The following PIK3C2G variants were observed in gnomAD, a reference collection of about 807,000 sequenced individuals.
The protein encoded by PIK3C2G is phosphatidylinositol-4-phosphate 3-kinase catalytic subunit type 2 gamma.
In PIK3C2G, 168 loss-of-function variants were observed where a neutral mutation model predicts 181.1. That is an observed-to-expected ratio of 0.93 (90% CI 0.82 to 1.05). The LOEUF is 1.05. Ranked by LOEUF, PIK3C2G falls within the 50% of genes least tolerant of loss-of-function variation. The pLI is 0.00. For missense variants in PIK3C2G, 1,869 were observed against 1,732.8 expected, an observed-to-expected ratio of 1.08 and a Z score of -1.40; for synonymous variants, 573 against 592.2, an observed-to-expected ratio of 0.97 and a Z score of 0.47.
intron 18 of PIK3C2G, among the ~76,000 whole-genome samples, chr12:18,487,873 T>C (rs913527798): frequency 6.6e-6 from 1 of 152,086 alleles, no homozygotes; most frequent in African/African-American, 2.4e-5. Context: ...CTCAGCCTAA[T>C]TAAGTAATTT....
chr12:18,370,066 A>T (rs1377051040), intron 12 of PIK3C2G, among the ~76,000 whole-genome samples: 2 of 152,074 alleles, frequency 1.3e-5, no homozygotes, highest in East Asian at 3.9e-4. Context: ...TTGACATATG[A>T]TCATATAATG....
At chr12:18,398,329 A>G (rs1944019259) in intron 15 of PIK3C2G, among the ~76,000 whole-genome samples, 1 of 152,056 alleles carries the variant, frequency 6.6e-6, no homozygotes, top group Non-Finnish European at 1.5e-5. Context: ...TTTACTATGG[A>G]TTTTTTTTCT....
At chr12:18,289,736 T>C (rs945311154) in intron 3 of PIK3C2G, among the ~76,000 whole-genome samples, 2 of 152,174 alleles carry the variant, frequency 1.3e-5, no homozygotes, top group African/African-American at 4.8e-5. Context: ...TGTATTTACT[T>C]ACCCATTTGC....
rs11611874 is a variant in PIK3C2G at position 18,624,770 on chromosome 12, G to A, written c.4182+15141G>A. On this transcript the variant is annotated intron_variant, in intron 31 of 32. Coordinates refer to ENST00000538779, the MANE Select transcript of PIK3C2G (RefSeq NM_001288772.2). Reference sequence around the variant, plus strand: ...TTTCTTCATGATTCAGTCTTCATAGGTATATGTGTCTAAGAATTAACCCAT... The same window carrying A: ...TTTCTTCATGATTCAGTCTTCATAGATATATGTGTCTAAGAATTAACCCAT... Among the ~76,000 whole-genome samples, 1,180 of 151,582 alleles carry A rather than the reference G, an allele frequency of 7.8e-3. 9 individuals are homozygous for A. The highest frequency in any genetic ancestry group is 0.012 in the African/African-American group (516 of 41,454).
chr12:18,715,031 G>A, the PIK3C2G span: 1 of 151,660 alleles, frequency 6.6e-6, no homozygotes, highest in South Asian at 2.1e-4. Context: ...CTTCTTTGGC[G>A]ATCATATGCA....
chr12:18,556,222 A>G (rs1356362294), intron 26 of PIK3C2G, among the ~76,000 whole-genome samples: 1 of 152,158 alleles, frequency 6.6e-6, no homozygotes, highest in Non-Finnish European at 1.5e-5. Flanking sequence ...GCTGCCATTA[A>G]ACAAAATAAA....
rs555601078 is a variant in PIK3C2G at position 18,396,348 on chromosome 12, T to C, written c.2127-3311T>C. 3.9e-3 allele frequency among the ~76,000 whole-genome samples: 588 copies of C among 151,676 alleles called. 5 individuals are homozygous for C. Among genetic ancestry groups the C allele is most frequent in the African/African-American group, 0.013 (557 of 41,488 alleles). ...TGATAAAAACTCACAAAACTAGACA[T>C]AGAATGAAACTTTCTCAACCTTGAA... On this transcript the variant is annotated intron_variant, in intron 15 of 32. Coordinates refer to ENST00000538779, the MANE Select transcript of PIK3C2G (RefSeq NM_001288772.2).
intron 25 of PIK3C2G, among the ~76,000 whole-genome samples, chr12:18,543,443 T>G (rs776033711): frequency 3.9e-5 from 6 of 152,036 alleles, no homozygotes; most frequent in Non-Finnish European, 7.4e-5. Context: ...GCTTTTGGTG[T>G]CTTCATCATG....
intron 18 of PIK3C2G, among the ~76,000 whole-genome samples, chr12:18,437,361 C>T (rs1946505043): frequency 6.6e-6 from 1 of 151,946 alleles, no homozygotes; most frequent in Non-Finnish European, 1.5e-5. Context: ...AAAACCAAGA[C>T]TTGGATATTA....
chr12:18,268,765 G>C (rs932417939), intron 1 of PIK3C2G, among the ~76,000 whole-genome samples: 3 of 152,138 alleles, frequency 2.0e-5, no homozygotes, highest in Non-Finnish European at 2.9e-5. Context: ...GTTCTCAGAA[G>C]CATTAAAATT....
the PIK3C2G span, chr12:18,695,055 C>T: frequency 1.2e-6 from 2 of 1,612,990 alleles, no homozygotes; most frequent in Non-Finnish European, 1.7e-6. Flanking sequence ...CATGGGCAGA[C>T]CAGGGGTCTG....
intron 18 of PIK3C2G, among the ~76,000 whole-genome samples, chr12:18,472,422 T>C (rs528474058): frequency 4.5e-4 from 69 of 152,246 alleles, no homozygotes; most frequent in South Asian, 1.5e-3. Flanking sequence ...TTTTAACTTG[T>C]CTGCTTATTC....
chr12:18,678,125 C>T, the PIK3C2G span, among the ~76,000 whole-genome samples: 1 of 152,082 alleles, frequency 6.6e-6, no homozygotes, highest in Non-Finnish European at 1.5e-5. Context: ...GAGTCTAGAA[C>T]AGTGCTTTAC....
At chr12:18,676,645 GAAC>G in the PIK3C2G span, among the ~76,000 whole-genome samples, 5 of 152,064 alleles carry the variant, frequency 3.3e-5, no homozygotes, top group African/African-American at 1.2e-4. Flanking sequence ...GATGAAAGTA[GAAC>G]AATAAGCAGG....
chr12:18,367,581 T>C (rs2137842361), intron 12 of PIK3C2G, among the ~76,000 whole-genome samples: 1 of 152,074 alleles, frequency 6.6e-6, no homozygotes, highest in Non-Finnish European at 1.5e-5. Context: ...TGAGATGGAG[T>C]TTCACTCTTG....
At chr12:18,312,002 T>G (rs573474634) in intron 5 of PIK3C2G, among the ~76,000 whole-genome samples, 2 of 152,168 alleles carry the variant, frequency 1.3e-5, no homozygotes, top group South Asian at 4.1e-4. Flanking sequence ...GGGAGAAAGA[T>G]GTAGGCTGCG....
intron 18 of PIK3C2G, among the ~76,000 whole-genome samples, chr12:18,442,816 C>A (rs1946816899): frequency 6.6e-6 from 1 of 151,754 alleles, no homozygotes; most frequent in African/African-American, 2.4e-5. Flanking sequence ...TTTATATAGA[C>A]TTGAGTTAGA....
chr12:18,355,402 G>A (rs1940628875), intron 11 of PIK3C2G, among the ~76,000 whole-genome samples: 1 of 152,210 alleles, frequency 6.6e-6, no homozygotes. Flanking sequence ...GCAAATGGGG[G>A]TGGTCCAGGG....
At chr12:18,516,711 G>A (rs1185208320) in intron 24 of PIK3C2G, among the ~76,000 whole-genome samples, 3 of 151,724 alleles carry the variant, frequency 2.0e-5, no homozygotes, top group Non-Finnish European at 4.4e-5. Flanking sequence ...TGGTCTTGAA[G>A]CTCACTGACT....
Sources: allele counts gnomAD v4.1 joint callset (sites outside exome capture counted in the v4.1 genomes callset), GRCh38; gene constraint gnomAD v4.1.1; transcripts MANE v1.5; gene names NCBI Gene and HGNC (gene_info 2026-07-23, HGNC 2026-07-21).